Variants in FOXP1 observed in about 807,000 individuals in gnomAD.
FOXP1 encodes forkhead box protein P1.
Under a neutral mutation model 98.2 loss-of-function variants are expected in FOXP1, and 15 were observed. The ratio of observed to expected loss-of-function variants is 0.15; its 90% CI spans 0.10 to 0.24. FOXP1 has a LOEUF of 0.24. Ranked by LOEUF, FOXP1 falls within the 10% of genes least tolerant of loss-of-function variation. The pLI is 1.00. For synonymous variants in FOXP1, 371 were observed against 314.5 expected (o/e 1.18, Z -1.90); for missense variants, 633 against 848.5 (o/e 0.75, Z 3.15).
chr3:71,384,476 C>G (rs2080419099), intron 3 of FOXP1, among the ~76,000 whole-genome samples: 1 of 152,092 alleles, frequency 6.6e-6, no homozygotes, highest in Non-Finnish European at 1.5e-5. Context: ...ATTGGAATTC[C>G]CACAGGGTAT....
chr3:70,971,763 G>T, intron 18 of FOXP1: 1 of 354,568 alleles, frequency 2.8e-6, no homozygotes, highest in East Asian at 4.4e-5. Flanking sequence ...TAGTTCTAGG[G>T]TCCCCGTAAG....
At chr3:71,219,825 C>T (rs1237398702) in intron 5 of FOXP1, among the ~76,000 whole-genome samples, 1 of 152,130 alleles carries the variant, frequency 6.6e-6, no homozygotes, top group African/African-American at 2.4e-5. Flanking sequence ...GCAGCACACA[C>T]TTCAGGATCT....
chr3:71,546,595 C>T (rs2045381418), intron 2 of FOXP1, among the ~76,000 whole-genome samples: 1 of 151,982 alleles, frequency 6.6e-6, no homozygotes, highest in African/African-American at 2.4e-5. Flanking sequence ...GGAAGTTAAC[C>T]TTCTAGCCTG....
At chr3:71,238,450 G>T (rs1477958019) in intron 5 of FOXP1, among the ~76,000 whole-genome samples, 1 of 152,152 alleles carries the variant, frequency 6.6e-6, no homozygotes, top group Non-Finnish European at 1.5e-5. Context: ...GTGTGTGTGT[G>T]TGTCTACAAG....
chr3:70,983,713 G>A (rs2039266611), intron 14 of FOXP1, among the ~76,000 whole-genome samples: 1 of 152,184 alleles, frequency 6.6e-6, no homozygotes, highest in Non-Finnish European at 1.5e-5. Flanking sequence ...CTAAAGCAAA[G>A]CGTTCTTCTC....
At chr3:71,462,086 G>A (rs1018289807) in intron 3 of FOXP1, among the ~76,000 whole-genome samples, 1 of 152,156 alleles carries the variant, frequency 6.6e-6, no homozygotes, top group Non-Finnish European at 1.5e-5. Flanking sequence ...CACTAGTAGA[G>A]AAAGGAATTC....
intron 4 of FOXP1, among the ~76,000 whole-genome samples, chr3:71,353,895 T>C (rs1366292533): frequency 6.6e-6 from 1 of 152,196 alleles, no homozygotes; most frequent in East Asian, 1.9e-4. Flanking sequence ...TTGGTGTTAA[T>C]AATGAAAGAC....
Position 70,957,203 on chromosome 3 carries a change from T to C in FOXP1, c.*2044A>G. 4.4e-6 allele frequency: 1 copy of C among 224,920 alleles called. No individual in the cohort carries two copies. The highest frequency in any genetic ancestry group is 8.9e-6 in the Non-Finnish European group (1 of 112,700). 13.9% of individuals were successfully genotyped at this position (224,920 alleles called of 1,614,324 possible). On this transcript the variant is annotated 3_prime_UTR_variant, in exon 21 of 21. Transcript: ENST00000649528. ...CTTCCTTCTGTAGCTCCTTTAATAT[T>C]GTGTCCTATTTTTATCTGCAGTAGC...
At chr3:71,404,609 A>G (rs889917518) in intron 3 of FOXP1, among the ~76,000 whole-genome samples, 4 of 152,190 alleles carry the variant, frequency 2.6e-5, no homozygotes, top group Non-Finnish European at 5.9e-5. Context: ...GACTTTAAAT[A>G]TGCAGGCAAA....
intron 3 of FOXP1, among the ~76,000 whole-genome samples, chr3:71,387,602 GT>G (rs534253863): frequency 6.6e-6 from 1 of 152,094 alleles, no homozygotes; most frequent in African/African-American, 2.4e-5. Flanking sequence ...ATTCACATTG[GT>G]TTTTTTCCAT....
intron 9 of FOXP1, among the ~76,000 whole-genome samples, chr3:71,049,124 C>A (rs2049462723): frequency 6.6e-6 from 1 of 152,116 alleles, no homozygotes; most frequent in Non-Finnish European, 1.5e-5. Context: ...TCCGTGCAGT[C>A]CCCTCGGCAG....
At chr3:70,988,722 G>A (rs192088932) in intron 13 of FOXP1, among the ~76,000 whole-genome samples, 6 of 152,364 alleles carry the variant, frequency 3.9e-5, no homozygotes, top group African/African-American at 1.4e-4. Flanking sequence ...AGTCACACAA[G>A]TTTCTAATTG....
At chr3:71,440,186 T>A (rs2085792116) in intron 3 of FOXP1, among the ~76,000 whole-genome samples, 1 of 152,134 alleles carries the variant, frequency 6.6e-6, no homozygotes. Flanking sequence ...TGCACAACAA[T>A]ATGAATATAC....
chr3:71,019,253 C>T (rs1055500974), intron 11 of FOXP1, among the ~76,000 whole-genome samples: 1 of 152,202 alleles, frequency 6.6e-6, no homozygotes, highest in East Asian at 1.9e-4. Context: ...ATGATTTGGG[C>T]ATCTGATGGT....
chr3:70,972,275 G>C (rs773258401), intron 18 of FOXP1: 22 of 1,179,362 alleles, frequency 1.9e-5, no homozygotes, highest in Non-Finnish European at 2.6e-5. Context: ...ACAGGAAAAA[G>C]AAAATAAAAT....
chr3:71,380,312 C>T (rs1040910316), intron 3 of FOXP1, among the ~76,000 whole-genome samples: 6 of 152,116 alleles, frequency 3.9e-5, no homozygotes, highest in Non-Finnish European at 7.4e-5. Flanking sequence ...ATTTTACATC[C>T]ACAATACCCT....
At chr3:71,140,942 G>T (rs1256610445) in intron 6 of FOXP1, among the ~76,000 whole-genome samples, 1 of 151,108 alleles carries the variant, frequency 6.6e-6, no homozygotes, top group Non-Finnish European at 1.5e-5. Context: ...AGTAAGACTT[G>T]GTCTCCAAGA....
intron 3 of FOXP1, among the ~76,000 whole-genome samples, chr3:71,470,391 T>C (rs575643783): frequency 1.3e-5 from 2 of 152,380 alleles, no homozygotes; most frequent in Middle Eastern, 6.8e-3. Flanking sequence ...TTGTTATTCA[T>C]AAGTAATTCT....
At chr3:71,374,146 T>C (rs1041396912) in intron 3 of FOXP1, among the ~76,000 whole-genome samples, 1 of 152,224 alleles carries the variant, frequency 6.6e-6, no homozygotes, top group Non-Finnish European at 1.5e-5. Flanking sequence ...TGAATCTCCC[T>C]TGGTTGACAT....
Sources: gnomAD v4.1 joint callset for allele counts (sites outside exome capture counted in the v4.1 genomes callset) on GRCh38, gnomAD v4.1.1 for gene constraint, MANE v1.5 for transcripts, NCBI Gene and HGNC (gene_info 2026-07-23, HGNC 2026-07-21) for gene names.